ADGRA3: variants seen among roughly 807,000 people sequenced by gnomAD.
ADGRA3 encodes the protein G-protein coupled receptor 125.
In ADGRA3, 56 loss-of-function variants were observed where a neutral mutation model predicts 119.8. That is an observed-to-expected ratio of 0.47 (90% confidence interval 0.38 to 0.58). ADGRA3 has a LOEUF of 0.58. ADGRA3 is among the 20% of genes least tolerant of loss of function. The pLI, the probability that ADGRA3 is intolerant of heterozygous loss-of-function variation, is 0.00. For synonymous variants in ADGRA3, 607 were observed against 623.8 expected (o/e 0.97, Z 0.40); for missense variants, 1,516 against 1,649.0 (o/e 0.92, Z 1.40).
At chr4:22,515,380 A>C in intron 1 of ADGRA3, 148 bp downstream of exon 1, 1 of 916,354 alleles carries the variant, frequency 1.1e-6, no homozygotes, top group Non-Finnish European at 1.5e-6. Context: ...CACCCATGCC[A>C]AGCACACGAG....
chr4:22,493,381 C>G (rs1718698395), intron 1 of ADGRA3, among the ~76,000 whole-genome samples: 1 of 152,146 alleles, frequency 6.6e-6, no homozygotes, highest in South Asian at 2.1e-4. Context: ...ATGGTTTATC[C>G]AAACCAGTAT....
At chr4:22,392,469 G>A (rs559557324) in intron 17 of ADGRA3, 76 bp downstream of exon 17, 89 of 1,538,118 alleles carry the variant, frequency 5.8e-5, no homozygotes, top group Admixed American at 8.8e-5. Context: ...AATTCACTCA[G>A]CAATTTTGTT....
chr4:22,457,581 A>T (rs1351854769), intron 3 of ADGRA3, among the ~76,000 whole-genome samples: 2 of 152,350 alleles, frequency 1.3e-5, no homozygotes, highest in East Asian at 3.9e-4. Context: ...CAAGAACACA[A>T]GAGACTACTT....
chr4:22,452,169 G>C (rs1048417094), intron 4 of ADGRA3, among the ~76,000 whole-genome samples: 1 of 152,162 alleles, frequency 6.6e-6, no homozygotes, highest in Non-Finnish European at 1.5e-5. Flanking sequence ...AAAAGATGTA[G>C]GCCAGGTATA....
Position 22,413,666 on chromosome 4 carries a change from G to A in ADGRA3, c.1958C>T (p.Ser653Leu). 6.2e-7 allele frequency: 1 copy of A among 1,613,972 alleles called. No homozygotes were observed. The highest frequency in any genetic ancestry group is 8.5e-7 in the Non-Finnish European group (1 of 1,179,936). ...NGKLFPATGN[S>L]TNLADDGKRR... is the part of the protein sequence containing the mutation. ...TTTTCCATCATCAGCCAAATTTGTT[G>A]AATTTCCAGTGGCTGGAAAAAGCTT... The change falls in exon 13 of 19, where the codon TCA becomes TTA. Residue 653 changes from serine to leucine, a missense_variant. Around this residue, in one of 2 missense-constraint regions of ADGRA3, gnomAD observed 1,088 missense variants for 1,107.1 expected, o/e 0.98. Coordinates refer to ENST00000334304, the MANE Select transcript of ADGRA3 (RefSeq NM_145290.4).
chr4:22,468,495 G>A (rs900947485), intron 2 of ADGRA3, among the ~76,000 whole-genome samples: 2 of 152,064 alleles, frequency 1.3e-5, no homozygotes, highest in African/African-American at 2.4e-5. Context: ...GACTCGGTGC[G>A]GTGGTTCACA....
At chr4:22,445,831 T>G (rs2109078528) in intron 5 of ADGRA3, among the ~76,000 whole-genome samples, 1 of 152,246 alleles carries the variant, frequency 6.6e-6, no homozygotes, top group Non-Finnish European at 1.5e-5. Context: ...GCAAAAAGCT[T>G]TATAATTTGG....
intron 1 of ADGRA3, among the ~76,000 whole-genome samples, chr4:22,513,870 A>AAAAC (rs1719546775): frequency 4.2e-5 from 4 of 95,610 alleles, no homozygotes; most frequent in African/African-American, 7.8e-5. Context: ...AAAAAAAAAA[A>AAAAC]AAAACTGGAT....
chr4:22,435,872 A>G lies in ADGRA3; in HGVS notation c.1288-406T>C, dbSNP rs1716372041. On this transcript the variant is annotated intron_variant, in intron 9 of 18. Transcript: ENST00000334304. ...AGTACGAACTACTTATTTGGCACTT[A>G]TCTTTATTGCCATGCACTGCCAGTA... 2.0e-5 allele frequency among the ~76,000 whole-genome samples: 3 copies of G among 152,268 alleles called. No individual in the cohort carries two copies. In the South Asian group the frequency reaches 6.2e-4, roughly 32 times the overall value.
At chr4:22,418,381 G>A (rs548625213) in intron 12 of ADGRA3, among the ~76,000 whole-genome samples, 2 of 152,308 alleles carry the variant, frequency 1.3e-5, no homozygotes, top group South Asian at 4.1e-4. Context: ...AAGGAGACAA[G>A]GGTGGGAGTG....
Position 22,420,998 on chromosome 4 carries a change from G to A in ADGRA3, c.1697C>T (p.Ser566Phe), listed in dbSNP as rs753149268. Residue 566 changes from serine to phenylalanine, a missense_variant, in exon 12 of 19, where the codon TCT becomes TTT. Coordinates refer to ENST00000334304, the MANE Select transcript of ADGRA3 (RefSeq NM_145290.4). ...ATAATCCGAAAGTCCTGTACGATCA[G>A]AGGCTGCCACTTTCTGGAACACGGT... ...TCTVFQKVAA[S>F]DRTGLSDYGR... The A allele has an allele frequency of 6.2e-7, 1 of 1,613,974 alleles. No homozygotes were observed. Among genetic ancestry groups the A allele is most frequent in the Non-Finnish European group, 8.5e-7 (1 of 1,180,010 alleles).
intron 1 of ADGRA3, among the ~76,000 whole-genome samples, chr4:22,506,742 C>T (rs1411616406): frequency 1.4e-5 from 2 of 146,820 alleles, no homozygotes; most frequent in African/African-American, 5.0e-5. Context: ...AAACTTTAGT[C>T]AAGACGGAAA....
chr4:22,509,002 C>T (rs574857815), intron 1 of ADGRA3, among the ~76,000 whole-genome samples: 2 of 152,252 alleles, frequency 1.3e-5, no homozygotes, highest in South Asian at 4.1e-4. Context: ...ACCCATGTTC[C>T]ACCCTTTCTC....
rs1473982384 is a variant in ADGRA3 at position 22,466,174 on chromosome 4, T to C, written c.330-4366A>G. ...CCAAGGATACCCGTGGTCCCAGCCTTGCCCACCTTTCCTTCACCAACTCTC... is the reference window on the plus strand; with the variant it reads ...CCAAGGATACCCGTGGTCCCAGCCTCGCCCACCTTTCCTTCACCAACTCTC... On this transcript the variant is annotated intron_variant, in intron 2 of 18. Transcript: ENST00000334304. 2.0e-5 allele frequency among the ~76,000 whole-genome samples: 3 copies of C among 152,208 alleles called. No homozygotes were observed. In the East Asian group the frequency reaches 5.8e-4, roughly 29 times the overall value.
chr4:22,471,618 G>A (rs1717860670), intron 2 of ADGRA3, among the ~76,000 whole-genome samples: 1 of 152,126 alleles, frequency 6.6e-6, no homozygotes. Context: ...CTTGATGTGT[G>A]TGTACTTTGG....
intron 4 of ADGRA3, among the ~76,000 whole-genome samples, chr4:22,453,078 T>C (rs1717108200): frequency 6.6e-6 from 1 of 151,200 alleles, no homozygotes; most frequent in African/African-American, 2.4e-5. Context: ...GGCGGGCACC[T>C]GTAATCCCAG....
At chr4:22,439,758 G>T (rs1218188834) in intron 7 of ADGRA3, among the ~76,000 whole-genome samples, 1 of 152,120 alleles carries the variant, frequency 6.6e-6, no homozygotes. Flanking sequence ...TACTGAACTA[G>T]GAAGAAGTAT....
At chr4:22,478,911 A>T (rs921192200) in intron 1 of ADGRA3, among the ~76,000 whole-genome samples, 8 of 152,218 alleles carry the variant, frequency 5.3e-5, no homozygotes, top group African/African-American at 1.9e-4. Context: ...ACATTTAAAA[A>T]TTTCTTTTTG....
chr4:22,401,714 C>A (rs1452525089), intron 15 of ADGRA3, among the ~76,000 whole-genome samples, 160 bp from the exon 16 acceptor site: 3 of 152,148 alleles, frequency 2.0e-5, no homozygotes, highest in Non-Finnish European at 4.4e-5. Flanking sequence ...CACATACACA[C>A]ACGCACAGAT....
Sources: gnomAD v4.1 joint callset for allele counts (sites outside exome capture counted in the v4.1 genomes callset) on GRCh38, gnomAD v4.1.1 for gene constraint, gnomAD v4.1.1 regional missense constraint, MANE v1.5 for transcripts, NCBI Gene and HGNC (gene_info 2026-07-23, HGNC 2026-07-21) for gene names.